The following WASF1 variants were observed in gnomAD, a reference collection of about 807,000 sequenced individuals.
WASF1 encodes the protein WASP family member 1, also known as actin-binding protein WASF1.
A neutral mutation model predicts 50.5 loss-of-function variants in WASF1; 7 were observed. The observed-to-expected ratio is 0.14, with a 90% CI of 0.08 to 0.26. The LOEUF is 0.26. Ranked by LOEUF, WASF1 falls within the 10% of genes least tolerant of loss-of-function variation. The pLI is 1.00. For synonymous variants in WASF1, 205 were observed against 244.0 expected, an observed-to-expected ratio of 0.84 and a Z score of 1.49; for missense variants, 470 against 694.7, an observed-to-expected ratio of 0.68 and a Z score of 3.64.
chr6:110,130,208 T>C (rs1774600590), intron 3 of WASF1, among the ~76,000 whole-genome samples: 1 of 152,154 alleles, frequency 6.6e-6, no homozygotes, highest in African/African-American at 2.4e-5. Flanking sequence ...CAACATGAAA[T>C]GTAGAGAAAA....
intron 2 of WASF1, among the ~76,000 whole-genome samples, chr6:110,164,866 AGAAAT>A (rs1016294387): frequency 2.6e-5 from 4 of 151,664 alleles, no homozygotes; most frequent in Admixed American, 6.6e-5. Flanking sequence ...AGCGCTCAAA[AGAAAT>A]GAAATATCAA....
In WASF1 at chr6:110,140,188, A is replaced by G. The variant is rs1039738966; in HGVS notation, c.-28-12559T>C. Among the ~76,000 whole-genome samples the G allele has an allele frequency of 4.6e-5, 7 of 152,314 alleles. No homozygotes were observed. In the East Asian group the frequency reaches 1.2e-3, roughly 25 times the overall value. The stretch of plus-strand genomic sequence containing the variant: ...GCCAAAGGTTTATTCAATCATGTCT[A>G]TGTAATGAAGCCTCCCTAAACACTC... On this transcript the variant is annotated intron_variant, in intron 3 of 10. Transcript: ENST00000392589.
chr6:110,125,106 T>A (rs719849), intron 4 of WASF1, among the ~76,000 whole-genome samples: 30,990 of 151,938 alleles, frequency 0.2, 4,331 homozygotes, highest in African/African-American at 0.4. Flanking sequence ...TAATTCAGAT[T>A]TTATTATCTA....
chr6:110,141,735 T>C (rs1436827595), intron 3 of WASF1, among the ~76,000 whole-genome samples: 2 of 151,398 alleles, frequency 1.3e-5, no homozygotes, highest in Admixed American at 6.6e-5. Flanking sequence ...AAAGAAAAAA[T>C]AGGTTGCTGC....
At chr6:110,120,168 A>C (rs1244024003) in intron 4 of WASF1, among the ~76,000 whole-genome samples, 1 of 152,174 alleles carries the variant, frequency 6.6e-6, no homozygotes, top group Non-Finnish European at 1.5e-5. Context: ...CCTATTCAAC[A>C]CAGTGTTGGA....
intron 2 of WASF1, among the ~76,000 whole-genome samples, chr6:110,167,323 G>C (rs866905844): frequency 6.6e-6 from 1 of 151,278 alleles, no homozygotes; most frequent in Non-Finnish European, 1.5e-5. Flanking sequence ...AAGTTAGAAA[G>C]AGCCTCAGGC....
intron 4 of WASF1, among the ~76,000 whole-genome samples, chr6:110,115,936 C>T (rs1213337191): frequency 6.6e-6 from 1 of 152,082 alleles, no homozygotes; most frequent in Non-Finnish European, 1.5e-5. Flanking sequence ...AGGTATGGAT[C>T]TTGGAGAAAT....
intron 5 of WASF1, among the ~76,000 whole-genome samples, chr6:110,109,081 T>C (rs1417558298): frequency 2.0e-5 from 3 of 152,208 alleles, no homozygotes; most frequent in Admixed American, 1.3e-4. Flanking sequence ...CCAGTAACTC[T>C]GAAAGGAATT....
intron 3 of WASF1, among the ~76,000 whole-genome samples, chr6:110,130,806 C>T (rs1438568548): frequency 1.3e-5 from 2 of 152,228 alleles, no homozygotes; most frequent in Admixed American, 1.3e-4. Flanking sequence ...TGTACCAACA[C>T]TTTACTTTCG....
At position 110,100,592 on chromosome 6, in the gene WASF1, C is replaced by T. The variant is rs759781158; in HGVS notation, c.1610G>A (p.Arg537His). Residue 537 changes from arginine (R) to histidine (H), a missense_variant, in exon 11 of 11, where the codon CGC becomes CAC. Coordinates refer to ENST00000392589, the MANE Select transcript of WASF1 (RefSeq NM_003931.3). ...IENDVATILS[R>H]RIAVEYSDSE... ...ATCACTATATTCAACAGCAATACGG[C>T]GAGACAGGATGGTGGCAACATCGTT... The T allele has an allele frequency of 3.7e-6, 6 of 1,613,604 alleles. No individual in the cohort carries two copies. Among genetic ancestry groups the T allele is most frequent in the Non-Finnish European group, 5.1e-6 (6 of 1,179,810 alleles).
At chr6:110,131,886 T>C (rs568886312) in intron 3 of WASF1, among the ~76,000 whole-genome samples, 1 of 152,202 alleles carries the variant, frequency 6.6e-6, no homozygotes, top group African/African-American at 2.4e-5. Flanking sequence ...CCTGTGTATT[T>C]CCATGTAAAT....
intron 2 of WASF1, among the ~76,000 whole-genome samples, chr6:110,170,397 A>AT (rs1379283909): frequency 2.0e-5 from 3 of 151,874 alleles, no homozygotes; most frequent in Non-Finnish European, 4.4e-5. Context: ...TAATTTCTGT[A>AT]TTTTTTTGTA....
At chr6:110,100,857 T>C (rs1417739742) in intron 10 of WASF1, among the ~76,000 whole-genome samples, 178 bp from the exon 11 acceptor site, 1 of 152,180 alleles carries the variant, frequency 6.6e-6, no homozygotes, top group Non-Finnish European at 1.5e-5. Flanking sequence ...GTTATCTGTG[T>C]TATTAGTTGG....
chr6:110,107,229 G>T, intron 6 of WASF1, 35 bp from the exon 7 acceptor site: 5 of 1,344,274 alleles, frequency 3.7e-6, no homozygotes, highest in Non-Finnish European at 5.2e-6. Flanking sequence ...ACACACATTA[G>T]TAAGACTTAG....
Position 110,105,440 on chromosome 6 carries a change from A to C in WASF1, c.680T>G (p.Val227Gly), listed in dbSNP as rs1773278302. ...AAAATGAGAGGCTGGGCCATTAGCA[A>C]CTTCAATATGCTTATGTAAGAGATT... ...DANLLHKHIE[V>G]ANGPASHFET... Residue 227 changes from valine (V) to glycine (G), a missense_variant, in exon 8 of 11, where the codon GTT becomes GGT. Transcript: ENST00000392589. 2 of 1,610,064 alleles carry C rather than the reference A, an allele frequency of 1.2e-6. No homozygotes were observed. Among genetic ancestry groups the C allele is most frequent in the Non-Finnish European group, 1.7e-6 (2 of 1,178,678 alleles).
At chr6:110,174,231 A>C in intron 2 of WASF1, among the ~76,000 whole-genome samples, 1 of 151,912 alleles carries the variant, frequency 6.6e-6, no homozygotes, top group Admixed American at 6.6e-5. Flanking sequence ...GCCTCCCCTG[A>C]CTCCCAGTGT....
intron 2 of WASF1, among the ~76,000 whole-genome samples, chr6:110,174,656 A>G (rs1000839471): frequency 2.6e-5 from 4 of 152,210 alleles, no homozygotes; most frequent in African/African-American, 9.6e-5. Flanking sequence ...GATAGCAATT[A>G]AACAAGATAA....
chr6:110,164,954 T>A (rs913016133), intron 2 of WASF1, among the ~76,000 whole-genome samples: 1 of 151,650 alleles, frequency 6.6e-6, no homozygotes, highest in Admixed American at 6.6e-5. Flanking sequence ...AATGGCTACA[T>A]ACTCTATGAT....
chr6:110,142,740 T>C (rs1251762072), intron 3 of WASF1, among the ~76,000 whole-genome samples: 2 of 152,052 alleles, frequency 1.3e-5, no homozygotes, highest in South Asian at 2.1e-4. Flanking sequence ...TGATACACTG[T>C]TTAAGAATTT....
Sources: gnomAD v4.1 joint callset for allele counts (sites outside exome capture counted in the v4.1 genomes callset) on GRCh38, gnomAD v4.1.1 for gene constraint, MANE v1.5 for transcripts, NCBI Gene and HGNC (gene_info 2026-07-23, HGNC 2026-07-21) for gene names.